Variants in OSMR observed in about 807,000 individuals in gnomAD.
The protein encoded by OSMR is oncostatin-M-specific receptor subunit beta.
OSMR carries 81 observed loss-of-function variants against 99.9 expected under a neutral mutation model. The ratio of observed to expected loss-of-function variants is 0.81; its 90% CI spans 0.68 to 0.97. The LOEUF (loss-of-function observed/expected upper bound fraction) is 0.97. Among genes scored for constraint, OSMR ranks in the 50% least tolerant of loss-of-function variants. The pLI, the probability that OSMR is intolerant of heterozygous loss-of-function variation, is 0.00. For synonymous variants in OSMR, 406 were observed against 410.4 expected, an observed-to-expected ratio of 0.99 and a Z score of 0.13; for missense variants, 1,099 against 1,153.4, an observed-to-expected ratio of 0.95 and a Z score of 0.68.
At chr5:38,868,342 A>T (rs769522735) in intron 1 of OSMR, among the ~76,000 whole-genome samples, 8 of 152,058 alleles carry the variant, frequency 5.3e-5, no homozygotes, top group Non-Finnish European at 1.2e-4. Context: ...TGTGTTGCTC[A>T]TTCTTCTTCT....
In OSMR at chr5:38,921,804, A is replaced by C. The variant is rs1746248811; in HGVS notation, c.1765+10A>C. 6.2e-7 allele frequency: 1 copy of C among 1,604,732 alleles called. No homozygotes were observed. Among genetic ancestry groups the C allele is most frequent in the Non-Finnish European group, 8.5e-7 (1 of 1,171,438 alleles). ...ACAGTCATTAGCACAGGTAAGAAGA[A>C]GCTTCCATATCATCGCATTGCTATA... On this transcript the variant is annotated intron_variant, in intron 12 of 17. Coordinates refer to ENST00000274276, the MANE Select transcript of OSMR (RefSeq NM_003999.3).
downstream of OSMR, among the ~76,000 whole-genome samples, chr5:38,936,036 C>CTT (rs1383302816): frequency 2.0e-5 from 3 of 152,150 alleles, no homozygotes; most frequent in African/African-American, 7.2e-5. Context: ...TATATGCCAT[C>CTT]TTAACATGGC....
intron 9 of OSMR, among the ~76,000 whole-genome samples, chr5:38,905,080 C>G (rs1443901999): frequency 6.6e-6 from 1 of 152,152 alleles, no homozygotes; most frequent in Non-Finnish European, 1.5e-5. Context: ...AATCCTGCTT[C>G]CATCTCCCTC....
chr5:38,931,671 C>CA (rs1273918193), intron 15 of OSMR: 30 of 383,832 alleles, frequency 7.8e-5, no homozygotes, highest in Non-Finnish European at 1.0e-4. Context: ...TTGAGACACA[C>CA]GGTGTTGATG....
intron 15 of OSMR, among the ~76,000 whole-genome samples, chr5:38,930,410 C>CCAA (rs1206528416): frequency 6.6e-6 from 1 of 152,136 alleles, no homozygotes; most frequent in Non-Finnish European, 1.5e-5. Flanking sequence ...TTACAAAACT[C>CCAA]CAACATTATC....
chr5:38,879,673 G>T (rs1285560225), intron 3 of OSMR, among the ~76,000 whole-genome samples: 1 of 150,066 alleles, frequency 6.7e-6, no homozygotes, highest in Non-Finnish European at 1.5e-5. Context: ...GCCCAGGGTG[G>T]AGTGCAGTGG....
intron 7 of OSMR, among the ~76,000 whole-genome samples, chr5:38,894,721 A>G (rs533506120): frequency 1.1e-4 from 16 of 152,240 alleles, no homozygotes; most frequent in Middle Eastern, 3.4e-3. Flanking sequence ...TTTATTACCT[A>G]CAAAGAGACT....
At chr5:38,850,712 T>C (rs1013618014) in intron 1 of OSMR, among the ~76,000 whole-genome samples, 3 of 152,226 alleles carry the variant, frequency 2.0e-5, no homozygotes, top group African/African-American at 7.2e-5. Context: ...TCATTGTTCA[T>C]GTGTAATGCC....
intron 12 of OSMR, 75 bp from the exon 13 acceptor site, chr5:38,923,075 C>T: frequency 6.3e-7 from 1 of 1,593,270 alleles, no homozygotes; most frequent in East Asian, 2.3e-5. Flanking sequence ...CGTGTCATGC[C>T]TTTTCATTCT....
At chr5:38,892,223 C>T (rs905901751) in intron 7 of OSMR, among the ~76,000 whole-genome samples, 2 of 152,170 alleles carry the variant, frequency 1.3e-5, no homozygotes, top group Admixed American at 6.5e-5. Flanking sequence ...CATAGCCTAA[C>T]CTCCCTGCCA....
At chr5:38,918,018 T>G (rs972782128) in intron 10 of OSMR, among the ~76,000 whole-genome samples, 1 of 152,206 alleles carries the variant, frequency 6.6e-6, no homozygotes, top group Non-Finnish European at 1.5e-5. Flanking sequence ...TCCTTCTATC[T>G]TGACTAATAC....
At position 38,925,336 on chromosome 5, in the gene OSMR, C is replaced by T. The variant is rs763566219; in HGVS notation, c.2177C>T (p.Ala726Val). Residue 726 changes from alanine (A) to valine (V), a missense_variant, in exon 15 of 18, where the codon GCT (alanine) becomes GTT (valine). Transcript: ENST00000274276. Reference sequence around the variant, plus strand: ...ACTAGTGCTGGTGAAGGCCCCAGTGCTACGTTCACGAAGGTCACGACTCCG... The same window carrying T: ...ACTAGTGCTGGTGAAGGCCCCAGTGTTACGTTCACGAAGGTCACGACTCCG... ...PFTSAGEGPS[A>V]TFTKVTTPDE... is the part of the protein sequence containing the mutation. The T allele has an allele frequency of 1.2e-5, 19 of 1,614,116 alleles. No homozygotes were observed. The highest frequency in any genetic ancestry group is 3.3e-5 in the Admixed American group (2 of 60,032).
chr5:38,851,754 T>G (rs1370509148), intron 1 of OSMR, among the ~76,000 whole-genome samples: 1 of 152,230 alleles, frequency 6.6e-6, no homozygotes, highest in Non-Finnish European at 1.5e-5. Flanking sequence ...AAATCTCATC[T>G]TGAACTGTAG....
At chr5:38,886,294 C>T (rs976662798) in intron 7 of OSMR, 104 bp downstream of exon 7, 141 of 1,592,994 alleles carry the variant, frequency 8.9e-5, no homozygotes, top group South Asian at 1.3e-4. Flanking sequence ...TCATTCACAG[C>T]GGAGGTGAGA....
chr5:38,853,278 T>G (rs1312573393), intron 1 of OSMR, among the ~76,000 whole-genome samples: 1 of 152,236 alleles, frequency 6.6e-6, no homozygotes, highest in Non-Finnish European at 1.5e-5. Context: ...ATAGACTTAA[T>G]GATAAAATTA....
intron 2 of OSMR, among the ~76,000 whole-genome samples, chr5:38,869,425 C>T (rs954490987): frequency 8.5e-5 from 13 of 152,156 alleles, no homozygotes; most frequent in Non-Finnish European, 1.5e-4. Flanking sequence ...TTTTATCAGA[C>T]CATCATCGAA....
chr5:38,942,240 CT>C, intron 1 of OSMR: 1 of 1,011,366 alleles, frequency 9.9e-7, no homozygotes, highest in Non-Finnish European at 1.5e-6. Context: ...TTTTCTGAGG[CT>C]TTTAGGAAAT....
chr5:38,902,372 C>A (rs1217627998), intron 7 of OSMR, among the ~76,000 whole-genome samples: 1 of 152,202 alleles, frequency 6.6e-6, no homozygotes, highest in African/African-American at 2.4e-5. Flanking sequence ...TGATAGGAAC[C>A]ATGGTCTCTG....
chr5:38,860,301 CT>C (rs1316632289), intron 1 of OSMR, among the ~76,000 whole-genome samples: 1 of 152,094 alleles, frequency 6.6e-6, no homozygotes, highest in Non-Finnish European at 1.5e-5. Context: ...TATCAAATGC[CT>C]TTTCTGCATC....
Sources: allele counts gnomAD v4.1 joint callset (sites outside exome capture counted in the v4.1 genomes callset), GRCh38; gene constraint gnomAD v4.1.1; transcripts MANE v1.5; gene names NCBI Gene and HGNC (gene_info 2026-07-23, HGNC 2026-07-21).